Variants in GPX2 observed in about 807,000 individuals in gnomAD.
GPX2 encodes the protein glutathione peroxidase 2.
In GPX2, 21 loss-of-function variants were observed where a neutral mutation model predicts 14.1. The ratio of observed to expected loss-of-function variants is 1.48; its 90% CI spans 1.05 to 2.14. The LOEUF (loss-of-function observed/expected upper bound fraction) is 2.14. Ranked by LOEUF, GPX2 falls within the 30% of genes most tolerant of loss-of-function variation. The probability of loss-of-function intolerance (pLI) is 0.00; values close to 1 mark genes in which losing one functional copy is unlikely to be tolerated. For synonymous variants in GPX2, 94 were observed against 95.2 expected (o/e 0.99, Z 0.07); for missense variants, 241 against 249.8 (o/e 0.96, Z 0.24).
chr14:64,941,667 A>G (rs1212661514), intron 1 of GPX2: 1 of 587,928 alleles, frequency 1.7e-6, no homozygotes, highest in East Asian at 8.6e-5. Context: ...GAATTGAACT[A>G]AGGGGATTAT....
Position 64,940,125 on chromosome 14 carries a change from C to T in GPX2, c.223-287G>A. On this transcript the variant is annotated intron_variant, in intron 1 of 1. Transcript: ENST00000389614. The surrounding 1 kb of genome is among the most constrained non-coding windows in gnomAD (Gnocchi z 4.5). ...TAGAGATGGGGTCTCACTTTGTTGC[C>T]CATGCTTTGGCTGCTCTTCAAGATT... 3 of 1,394,524 alleles carry T rather than the reference C, an allele frequency of 2.2e-6. No homozygotes were observed. The highest frequency in any genetic ancestry group is 1.9e-4 in the Middle Eastern group (1 of 5,242). The allele number at this position is 1,394,524 out of a possible 1,614,324, so 86.4% of individuals were successfully genotyped here. A position where few individuals can be genotyped will look rare whatever the true frequency, so the allele number is the denominator to read the frequency against.
chr14:64,941,465 A>G, intron 1 of GPX2: 2 of 1,288,772 alleles, frequency 1.6e-6, no homozygotes, highest in Non-Finnish European at 2.0e-6. Flanking sequence ...GTGAGGCTGG[A>G]GGTACTTCTG....
In GPX2 at chr14:64,940,862, C is replaced by T. The variant is rs1885595643; in HGVS notation, c.223-1024G>A. On this transcript the variant is annotated intron_variant, in intron 1 of 1. Transcript: ENST00000389614. This position sits in a 1 kb window ranked among gnomAD's most constrained non-coding sequence, Gnocchi z 4.5. ...CCCACTGCCATCCCTGTCCTATTCC[C>T]TCTCAGCATCACCATTCATGACAAT... Among the ~76,000 whole-genome samples the T allele has an allele frequency of 1.3e-5, 2 of 152,208 alleles. No individual in the cohort carries two copies. The highest frequency in any genetic ancestry group is 6.5e-5 in the Admixed American group (1 of 15,286).
In GPX2 at chr14:64,939,513, T is replaced by A; in HGVS notation, c.548A>T (p.Lys183Met). ...CTATATGGCAACTTTAAGGAGGCGC[T>A]TGATGTCAGGCTCAATGTTGATGGT... is the stretch of plus-strand genomic sequence containing the variant. ...FPTINIEPDIKRLLKVAI is the reference protein window; with the variant it reads ...FPTINIEPDIMRLLKVAI Residue 183 changes from lysine (K) to methionine (M), a missense_variant, in exon 2 of 2, where the codon AAG becomes ATG. By Grantham distance (95) the Lys-to-Met change is moderately conservative. Coordinates refer to ENST00000389614, the MANE Select transcript of GPX2 (RefSeq NM_002083.4). The surrounding 1 kb of genome is among the most constrained non-coding windows in gnomAD (Gnocchi z 5.7). The A allele has an allele frequency of 6.2e-7, 1 of 1,614,112 alleles. No individual in the cohort carries two copies. Among genetic ancestry groups the A allele is most frequent in the Non-Finnish European group, 8.5e-7 (1 of 1,179,988 alleles).
intron 1 of GPX2, among the ~76,000 whole-genome samples, chr14:64,941,135 T>C (rs1393288010): frequency 6.6e-6 from 1 of 152,176 alleles, no homozygotes; most frequent in African/African-American, 2.4e-5. Context: ...GGCACAATCA[T>C]AGCTCACTGC....
rs760352226 is a variant in GPX2 at position 64,939,795 on chromosome 14, A to C, written c.266T>G (p.Val89Gly). 5 of 1,614,156 alleles carry C rather than the reference A, an allele frequency of 3.1e-6. No homozygotes were observed. Among genetic ancestry groups the C allele is most frequent in the Non-Finnish European group, 4.2e-6 (5 of 1,180,036 alleles). ...GGGCTGGTATCCACCCCCAGGACGG[A>C]CATACTTGAGACTGTTCAGGATCTC... ...NEEILNSLKYVRPGGGYQPTF... is the reference protein window; with the variant it reads ...NEEILNSLKYGRPGGGYQPTF... Residue 89 changes from valine to glycine, a missense_variant, in exon 2 of 2, where the codon GTC (valine) becomes GGC (glycine). Val to Gly is a moderately radical substitution (Grantham distance 109, BLOSUM62 -3). Transcript: ENST00000389614. The surrounding 1 kb of genome is among the most constrained non-coding windows in gnomAD (Gnocchi z 5.7).
intron 1 of GPX2, among the ~76,000 whole-genome samples, chr14:64,941,928 G>T (rs1885662452): frequency 6.6e-6 from 1 of 152,144 alleles, no homozygotes; most frequent in Admixed American, 6.5e-5. Flanking sequence ...CTAAATAACA[G>T]TTTGCTTGCA....
chr14:64,940,076 C>G lies in GPX2; in HGVS notation c.223-238G>C. 7.0e-7 allele frequency: 1 copy of G among 1,428,642 alleles called. No homozygotes were observed. The highest frequency in any genetic ancestry group is 9.4e-7 in the Non-Finnish European group (1 of 1,069,098). 88.5% of individuals were successfully genotyped at this position (1,428,642 alleles called of 1,614,324 possible). A position where few individuals can be genotyped will look rare whatever the true frequency, so the allele number is the denominator to read the frequency against. ...AGACTACAGACACAGGCCACCATGC[C>G]CGGCTAATTTTTTTTTTTTTTTGTA... On this transcript the variant is annotated intron_variant, in intron 1 of 1. Transcript: ENST00000389614. The surrounding 1 kb of genome is among the most constrained non-coding windows in gnomAD (Gnocchi z 4.5).
intron 1 of GPX2, chr14:64,941,408 G>A: frequency 7.8e-7 from 1 of 1,285,800 alleles, no homozygotes; most frequent in South Asian, 1.2e-5. Flanking sequence ...CTGGCTCCTG[G>A]TAGGTTATAG....
rs1254882760 is a variant in GPX2, at chr14:64,939,790, G to T, written c.271C>A (p.Pro91Thr). 1.2e-6 allele frequency: 2 copies of T among 1,614,124 alleles called. No homozygotes were observed. The highest frequency in any genetic ancestry group is 1.7e-6 in the Non-Finnish European group (2 of 1,180,032). The part of the protein sequence containing the change: ...EILNSLKYVR[P>T]GGGYQPTFTL... ...AAGGTGGGCTGGTATCCACCCCCAG[G>T]ACGGACATACTTGAGACTGTTCAGG... is the stretch of plus-strand genomic sequence containing the variant. Residue 91 changes from proline to threonine, a missense_variant, in exon 2 of 2, where the codon CCT becomes ACT. Coordinates refer to ENST00000389614, the MANE Select transcript of GPX2 (RefSeq NM_002083.4). This position sits in a 1 kb window ranked among gnomAD's most constrained non-coding sequence, Gnocchi z 5.7.
Position 64,939,840 on chromosome 14 carries a change from T to G in GPX2, c.223-2A>C. 4 of 1,612,032 alleles carry G rather than the reference T, an allele frequency of 2.5e-6. No homozygotes were observed. Among genetic ancestry groups the G allele is most frequent in the Non-Finnish European group, 3.4e-6 (4 of 1,178,480 alleles). On this transcript the variant is annotated splice_acceptor_variant, in intron 1 of 1. Coordinates refer to ENST00000389614, the MANE Select transcript of GPX2 (RefSeq NM_002083.4). LOFTEE classifies it high-confidence loss of function. This position sits in a 1 kb window ranked among gnomAD's most constrained non-coding sequence, Gnocchi z 5.7. Reference sequence around the variant, plus strand: ...GATCTCCTCATTCTGACAGTTCTCCTAGGGGAGGAAAAAGACAAAGTGCGT... The same window carrying G: ...GATCTCCTCATTCTGACAGTTCTCCGAGGGGAGGAAAAAGACAAAGTGCGT...
rs1885587444 is a variant in GPX2, at chr14:64,940,738, T to C, written c.223-900A>G. 6.6e-6 allele frequency among the ~76,000 whole-genome samples: 1 copy of C among 152,208 alleles called. No individual in the cohort carries two copies. Among genetic ancestry groups the C allele is most frequent in the South Asian group, 2.1e-4 (1 of 4,830 alleles). The stretch of plus-strand genomic sequence containing the variant: ...TGAGTATGTAATTATCATTCTTTTC[T>C]TGAGTAGGCTGCTACCCAAAGACTG... On this transcript the variant is annotated intron_variant, in intron 1 of 1. Transcript: ENST00000389614. This position sits in a 1 kb window ranked among gnomAD's most constrained non-coding sequence, Gnocchi z 4.5.
Position 64,940,077 on chromosome 14 carries a change from C to A in GPX2, c.223-239G>T, listed in dbSNP as rs1031470187. On this transcript the variant is annotated intron_variant, in intron 1 of 1. Transcript: ENST00000389614. This position sits in a 1 kb window ranked among gnomAD's most constrained non-coding sequence, Gnocchi z 4.5. ...GACTACAGACACAGGCCACCATGCC[C>A]GGCTAATTTTTTTTTTTTTTTGTAG... 7.1e-7 allele frequency: 1 copy of A among 1,402,920 alleles called. No homozygotes were observed. 86.9% of individuals were successfully genotyped at this position (1,402,920 alleles called of 1,614,324 possible).
rs573730582 is a variant in GPX2 at position 64,939,259 on chromosome 14, C to T, written c.*229G>A. On this transcript the variant is annotated 3_prime_UTR_variant, in exon 2 of 2. Coordinates refer to ENST00000389614, the MANE Select transcript of GPX2 (RefSeq NM_002083.4). The surrounding 1 kb of genome is among the most constrained non-coding windows in gnomAD (Gnocchi z 5.7). ...GAGGGTTTAGGAAGGTGCCATCATT[C>T]TGTGAAGGCCCAGAGCTTACCCAAG... is the stretch of plus-strand genomic sequence containing the variant. 5.5e-5 allele frequency: 30 copies of T among 541,854 alleles called. No individual in the cohort carries two copies. In the South Asian group the frequency reaches 6.3e-4, roughly 11 times the overall value. 33.6% of individuals were successfully genotyped at this position (541,854 alleles called of 1,614,324 possible). A position where few individuals can be genotyped will look rare whatever the true frequency, so the allele number is the denominator to read the frequency against.
In GPX2 at chr14:64,939,909, T is replaced by C; in HGVS notation, c.223-71A>G. The C allele has an allele frequency of 1.3e-6, 2 of 1,547,360 alleles. No homozygotes were observed. Among genetic ancestry groups the C allele is most frequent in the Non-Finnish European group, 8.7e-7 (1 of 1,146,750 alleles). On this transcript the variant is annotated intron_variant, in intron 1 of 1. Transcript: ENST00000389614. This position sits in a 1 kb window ranked among gnomAD's most constrained non-coding sequence, Gnocchi z 5.7. ...GAGAAAGATCCACAACATGAAACTC[T>C]TTCACCCTCCTACACTCCCTCCCCA... is the stretch of plus-strand genomic sequence containing the variant.
In GPX2 at chr14:64,939,856, C is replaced by CA. The variant is rs1885525327; in HGVS notation, c.223-19dup. 7 of 1,610,348 alleles carry CA rather than the reference C, an allele frequency of 4.3e-6. No individual in the cohort carries two copies. The Middle Eastern group carries it at 5.0e-4, about 115-fold the overall frequency. On this transcript the variant is annotated intron_variant, in intron 1 of 1. Transcript: ENST00000389614. This position sits in a 1 kb window ranked among gnomAD's most constrained non-coding sequence, Gnocchi z 5.7. ...CAGTTCTCCTAGGGGAGGAAAAAGA[C>CA]AAAGTGCGTGGACAGTGGGTGGGGG...
rs1362613463 is a variant in GPX2, at chr14:64,940,109, G to C, written c.223-271C>G. 2.5e-5 allele frequency: 35 copies of C among 1,409,066 alleles called. No homozygotes were observed. The highest frequency in any genetic ancestry group is 2.6e-5 in the Non-Finnish European group (28 of 1,065,410). 87.3% of individuals were successfully genotyped at this position (1,409,066 alleles called of 1,614,324 possible). ...TTTTTTTTTTTTTTTGTAGAGATGG[G>C]GTCTCACTTTGTTGCCCATGCTTTG... On this transcript the variant is annotated intron_variant, in intron 1 of 1. Coordinates refer to ENST00000389614, the MANE Select transcript of GPX2 (RefSeq NM_002083.4). This position sits in a 1 kb window ranked among gnomAD's most constrained non-coding sequence, Gnocchi z 4.5.
chr14:64,941,791 G>A (rs2737844), intron 1 of GPX2, among the ~76,000 whole-genome samples: 70,662 of 152,092 alleles, frequency 0.46, 20,376 homozygotes, highest in African/African-American at 0.8. Flanking sequence ...ATCTATAACA[G>A]CTTGACCCAT....
At chr14:64,941,641 A>G in intron 1 of GPX2, 2 of 790,228 alleles carry the variant, frequency 2.5e-6, no homozygotes, top group Admixed American at 3.5e-5. Context: ...TGTCTTCCTC[A>G]CCTTCATACC....
Sources: gnomAD v4.1 joint callset for allele counts (sites outside exome capture counted in the v4.1 genomes callset) on GRCh38, gnomAD v4.1.1 for gene constraint, Gnocchi (gnomAD v3.1) non-coding constraint, MANE v1.5 for transcripts, NCBI Gene and HGNC (gene_info 2026-07-23, HGNC 2026-07-21) for gene names.